The following RSU1 variants were observed in gnomAD, a reference collection of about 807,000 sequenced individuals.
RSU1 encodes rsu-1.
Under a neutral mutation model 31.1 loss-of-function variants are expected in RSU1, and 26 were observed. The ratio of observed to expected loss-of-function variants is 0.84; its 90% CI spans 0.61 to 1.16. RSU1 has a LOEUF of 1.16. Ranked by LOEUF, RSU1 falls within the 50% of genes most tolerant of loss-of-function variation. RSU1 has a pLI of 0.00. For synonymous variants in RSU1, 164 were observed against 136.3 expected (o/e 1.20, Z -1.41); for missense variants, 320 against 339.1 (o/e 0.94, Z 0.44).
chr10:16,745,827 T>A (rs376123985), intron 7 of RSU1, among the ~76,000 whole-genome samples: 2 of 152,152 alleles, frequency 1.3e-5, no homozygotes, highest in African/African-American at 4.8e-5. Context: ...TTAACCTCTA[T>A]CCTCTACTGT....
At chr10:16,722,817 TACATGTATACAGCC>T (rs772951225) in intron 7 of RSU1, among the ~76,000 whole-genome samples, 30 of 149,506 alleles carry the variant, frequency 2.0e-4, no homozygotes, top group Non-Finnish European at 3.5e-4. Flanking sequence ...TACACATATA[TACATGTATACAGCC>T]ACATATATGT....
At chr10:16,742,856 T>A (rs1836780136) in intron 7 of RSU1, among the ~76,000 whole-genome samples, 1 of 152,136 alleles carries the variant, frequency 6.6e-6, no homozygotes, top group Admixed American at 6.5e-5. Flanking sequence ...TTTAAGGCAA[T>A]AACTCACCAG....
At chr10:16,790,709 C>T (rs1433684530) in intron 2 of RSU1, among the ~76,000 whole-genome samples, 2 of 152,246 alleles carry the variant, frequency 1.3e-5, no homozygotes, top group East Asian at 3.9e-4. Context: ...TGGGAAGTGA[C>T]TGGATCATGG....
chr10:16,610,839 G>A (rs1196414850), intron 8 of RSU1, among the ~76,000 whole-genome samples: 2 of 152,164 alleles, frequency 1.3e-5, no homozygotes, highest in South Asian at 2.1e-4. Flanking sequence ...CAAAAAGGCT[G>A]GAAACTGCTG....
At chr10:16,746,034 G>C (rs527430032) in intron 7 of RSU1, among the ~76,000 whole-genome samples, 1 of 152,104 alleles carries the variant, frequency 6.6e-6, no homozygotes, top group African/African-American at 2.4e-5. Flanking sequence ...CACAGGAAAA[G>C]GATTAAGAGA....
rs548401928 is a variant in RSU1, at chr10:16,800,223, G to C, written c.109+16750C>G. 2.6e-5 allele frequency among the ~76,000 whole-genome samples: 4 copies of C among 152,250 alleles called. No individual in the cohort carries two copies. The East Asian group carries it at 5.8e-4, about 22-fold the overall frequency. ...ACAAGGTACTCTAAAAAGAAGAAAG[G>C]CTGAGGAGAGAAATCAAGCAAAAGA... On this transcript the variant is annotated intron_variant, in intron 2 of 8. Coordinates refer to ENST00000345264, the MANE Select transcript of RSU1 (RefSeq NM_012425.4).
intron 2 of RSU1, among the ~76,000 whole-genome samples, chr10:16,802,716 T>A (rs551033813): frequency 1.4e-5 from 2 of 146,090 alleles, no homozygotes; most frequent in Non-Finnish European, 3.1e-5. Context: ...TTACTCCAGG[T>A]ATGCAAAGGT....
chr10:16,756,705 T>C (rs771748942), intron 4 of RSU1, among the ~76,000 whole-genome samples: 1 of 152,186 alleles, frequency 6.6e-6, no homozygotes, highest in Non-Finnish European at 1.5e-5. Context: ...TATTAGGAAT[T>C]AAGATTTTTC....
At chr10:16,677,000 C>T (rs755037793) in intron 8 of RSU1, among the ~76,000 whole-genome samples, 1 of 152,092 alleles carries the variant, frequency 6.6e-6, no homozygotes, top group Non-Finnish European at 1.5e-5. Flanking sequence ...GTCGCATGTG[C>T]CTGCAACCCT....
In RSU1 at chr10:16,646,091, T is replaced by C. The variant is rs11254127; in HGVS notation, c.731+48932A>G. ...ACACACACACACACACACACACACA[T>C]ACATATATAAATGTGCATTCAAAAC... On this transcript the variant is annotated intron_variant, in intron 8 of 8. Coordinates refer to ENST00000345264, the MANE Select transcript of RSU1 (RefSeq NM_012425.4). Among the ~76,000 whole-genome samples, 1,114 of 115,998 alleles carry C rather than the reference T, an allele frequency of 9.6e-3. 174 individuals carry two copies. Among genetic ancestry groups the C allele is most frequent in the African/African-American group, 0.049 (1,042 of 21,450 alleles). The allele number at this position is 115,998 out of a possible 152,430, so 76.1% of individuals were successfully genotyped here. A position where few individuals can be genotyped will look rare whatever the true frequency, so the allele number is the denominator to read the frequency against.
intron 8 of RSU1, among the ~76,000 whole-genome samples, chr10:16,637,479 A>C (rs1318478797): frequency 6.6e-6 from 1 of 150,444 alleles, no homozygotes; most frequent in Non-Finnish European, 1.5e-5. Context: ...TTTTTAACTC[A>C]TAAACCCACT....
chr10:16,739,302 G>C (rs1019416664), intron 7 of RSU1, among the ~76,000 whole-genome samples: 1 of 151,992 alleles, frequency 6.6e-6, no homozygotes, highest in African/African-American at 2.4e-5. Context: ...CTTCCAGAAT[G>C]GTTGAACTAA....
chr10:16,808,893 G>A (rs907906629), intron 2 of RSU1, among the ~76,000 whole-genome samples: 1 of 152,172 alleles, frequency 6.6e-6, no homozygotes, highest in Non-Finnish European at 1.5e-5. Flanking sequence ...AGGGACAGCA[G>A]GGATGCAGAG....
intron 8 of RSU1, among the ~76,000 whole-genome samples, chr10:16,677,289 A>T (rs1835252012): frequency 6.6e-6 from 1 of 152,122 alleles, no homozygotes; most frequent in Non-Finnish European, 1.5e-5. Context: ...GCAGAGGCAA[A>T]CTGTGAACCT....
At chr10:16,614,970 G>A (rs149820796) in intron 8 of RSU1, among the ~76,000 whole-genome samples, 1,735 of 152,260 alleles carry the variant, frequency 0.011, 18 homozygotes, top group Non-Finnish European at 0.018. Flanking sequence ...TGAAGAAACT[G>A]CATCAACTAA....
rs1837482033 is a variant in RSU1 at position 16,774,167 on chromosome 10, A to T, written c.160+7867T>A. ...TCTGTTCAACCCTGGGAGCTACAGGATTGCAAATTCTTATTTAACAAAATG... is the reference window on the plus strand; with the variant it reads ...TCTGTTCAACCCTGGGAGCTACAGGTTTGCAAATTCTTATTTAACAAAATG... On this transcript the variant is annotated intron_variant, in intron 3 of 8. Coordinates refer to ENST00000345264, the MANE Select transcript of RSU1 (RefSeq NM_012425.4). Among the ~76,000 whole-genome samples the T allele has an allele frequency of 6.6e-5, 10 of 152,280 alleles. No individual in the cohort carries two copies. In the South Asian group the frequency reaches 2.1e-3, roughly 32 times the overall value.
intron 8 of RSU1, among the ~76,000 whole-genome samples, chr10:16,668,500 G>A (rs1419127710): frequency 6.6e-6 from 1 of 152,136 alleles, no homozygotes; most frequent in East Asian, 1.9e-4. Context: ...CATCTAAAAA[G>A]TAACAAGGAA....
chr10:16,716,849 AACAAAT>A (rs1361309915), intron 7 of RSU1, among the ~76,000 whole-genome samples: 3 of 134,560 alleles, frequency 2.2e-5, no homozygotes, highest in African/African-American at 9.6e-5. Flanking sequence ...CAAGAGGTCA[AACAAAT>A]ACAGACTGAT....
intron 8 of RSU1, among the ~76,000 whole-genome samples, chr10:16,681,941 G>T (rs77186789): frequency 6.6e-6 from 1 of 151,818 alleles, no homozygotes; most frequent in Non-Finnish European, 1.5e-5. Context: ...AGTGTTTCAC[G>T]GAAGAGTCAC....
Sources: allele counts gnomAD v4.1 joint callset (sites outside exome capture counted in the v4.1 genomes callset), GRCh38; gene constraint gnomAD v4.1.1; transcripts MANE v1.5; gene names NCBI Gene and HGNC (gene_info 2026-07-23, HGNC 2026-07-21).